Variants in MISFA observed in about 807,000 individuals in gnomAD.
MISFA encodes mitochondrial sheath formation associated, also known as mitochondrial sheath formation-associated protein.
chr11:18,607,370 A>G, the MISFA span: 1 of 152,808 alleles, frequency 6.5e-6, no homozygotes, highest in East Asian at 1.9e-4. Flanking sequence ...AATCAGAGCC[A>G]TGAGTTTTAT....
At chr11:18,602,045 A>C in the MISFA span, 2 of 152,240 alleles carry the variant, frequency 1.3e-5, no homozygotes, top group African/African-American at 4.8e-5. Flanking sequence ...GGCCACACAC[A>C]GTAGCTCGTT....
chr11:18,603,244 C>T, the MISFA span: 2 of 398,806 alleles, frequency 5.0e-6, no homozygotes, highest in Non-Finnish European at 8.8e-6. Flanking sequence ...GAAATGTATT[C>T]CCGCCCCCAA....
the MISFA span, chr11:18,609,598 A>G: frequency 2.1e-6 from 1 of 465,484 alleles, no homozygotes; most frequent in South Asian, 2.8e-5. Flanking sequence ...TGCATAGCTC[A>G]TCAGGATCAA....
chr11:18,607,885 G>A, the MISFA span: 1 of 152,070 alleles, frequency 6.6e-6, no homozygotes, highest in African/African-American at 2.4e-5. Flanking sequence ...ACAAAGAACT[G>A]TACCATATCA....
chr11:18,602,843 C>T, the MISFA span: 6 of 313,460 alleles, frequency 1.9e-5, no homozygotes, highest in Admixed American at 1.5e-4. Flanking sequence ...TTTAACCCAA[C>T]GCATCTAGCA....
At chr11:18,605,045 C>T in the MISFA span, among the ~76,000 whole-genome samples, 1 of 152,106 alleles carries the variant, frequency 6.6e-6, no homozygotes, top group Non-Finnish European at 1.5e-5. Flanking sequence ...GAGTTCGAGA[C>T]CCGCTTGGCC....
chr11:18,600,862 A>C, the MISFA span, among the ~76,000 whole-genome samples: 1 of 151,986 alleles, frequency 6.6e-6, no homozygotes, highest in African/African-American at 2.4e-5. Flanking sequence ...CCTCCCTTGC[A>C]TATATAGCTG....
At chr11:18,606,227 T>C in the MISFA span, among the ~76,000 whole-genome samples, 2 of 152,274 alleles carry the variant, frequency 1.3e-5, no homozygotes, top group South Asian at 2.1e-4. Context: ...AGCTCTATCA[T>C]GTTAGAGCAG....
the MISFA span, among the ~76,000 whole-genome samples, chr11:18,605,724 T>G: frequency 2.0e-5 from 3 of 152,202 alleles, no homozygotes; most frequent in South Asian, 6.2e-4. Context: ...ACAGTCTCGT[T>G]CTGTCACCCA....
At chr11:18,604,649 C>T in the MISFA span, among the ~76,000 whole-genome samples, 1 of 151,656 alleles carries the variant, frequency 6.6e-6, no homozygotes, top group African/African-American at 2.4e-5. Flanking sequence ...AAAAAAGAAC[C>T]CTAAGCTTAT....
chr11:18,600,332 C>G, the MISFA span, among the ~76,000 whole-genome samples: 1 of 148,584 alleles, frequency 6.7e-6, no homozygotes, highest in Non-Finnish European at 1.5e-5. Flanking sequence ...GCCTCCTGAG[C>G]AGCTGGGATT....
chr11:18,604,472 A>G, the MISFA span, among the ~76,000 whole-genome samples: 1 of 151,734 alleles, frequency 6.6e-6, no homozygotes, highest in African/African-American at 2.4e-5. Context: ...CCTTGCCAAC[A>G]TGGTGAAACC....
the MISFA span, among the ~76,000 whole-genome samples, chr11:18,605,853 T>A: frequency 6.6e-6 from 1 of 152,134 alleles, no homozygotes; most frequent in African/African-American, 2.4e-5. Context: ...CATTTTTGTA[T>A]TTTTAGTAGA....
the MISFA span, among the ~76,000 whole-genome samples, chr11:18,604,328 CCTT>C: frequency 3.8e-4 from 58 of 152,070 alleles, no homozygotes; most frequent in Middle Eastern, 6.8e-3. Flanking sequence ...ACAATTGGGT[CCTT>C]CTGCTACATG....
chr11:18,602,879 T>C, the MISFA span: 1 of 361,090 alleles, frequency 2.8e-6, no homozygotes, highest in Non-Finnish European at 4.9e-6. Context: ...CCATAGGTGC[T>C]CATGCTGACT....
the MISFA span, chr11:18,601,261 A>G: frequency 2.5e-6 from 1 of 398,422 alleles, no homozygotes; most frequent in Non-Finnish European, 4.4e-6. Flanking sequence ...TCAGTGGAGA[A>G]TGTTTATTCC....
the MISFA span, chr11:18,602,104 C>T: frequency 6.6e-6 from 1 of 152,164 alleles, no homozygotes; most frequent in Non-Finnish European, 1.5e-5. Flanking sequence ...ACTTCATAGC[C>T]TCCCATACTC....
chr11:18,604,632 G>GA, the MISFA span, among the ~76,000 whole-genome samples: 54 of 130,474 alleles, frequency 4.1e-4, no homozygotes, highest in Admixed American at 6.1e-4. Flanking sequence ...AGTCTCAAAA[G>GA]AAAAAAAAAA....
chr11:18,604,817 C>G, the MISFA span, among the ~76,000 whole-genome samples: 3 of 152,154 alleles, frequency 2.0e-5, no homozygotes, highest in Non-Finnish European at 2.9e-5. Context: ...CACACACAGC[C>G]CTGGGCTGCA....
Sources: gnomAD v4.1 joint callset for allele counts (sites outside exome capture counted in the v4.1 genomes callset) on GRCh38, gnomAD v4.1.1 for gene constraint, MANE v1.5 for transcripts, NCBI Gene and HGNC (gene_info 2026-07-23, HGNC 2026-07-21) for gene names.